Variants in MTUS2 observed in about 807,000 individuals in gnomAD.
The protein encoded by MTUS2 is microtubule associated scaffold protein 2, also known as microtubule-associated tumor suppressor candidate 2.
A neutral mutation model predicts 114.1 loss-of-function variants in MTUS2; 40 were observed. The ratio of observed to expected loss-of-function variants is 0.35; its 90% CI spans 0.27 to 0.46. MTUS2 has a LOEUF of 0.46. MTUS2 is among the 20% of genes least tolerant of loss of function. The pLI is 1.00. For missense variants in MTUS2, 1,679 were observed against 1,705.4 expected (o/e 0.98, Z 0.27); for synonymous variants, 688 against 672.0 (o/e 1.02, Z -0.37).
chr13:29,201,299 A>G (rs182307477), intron 5 of MTUS2, among the ~76,000 whole-genome samples: 259 of 150,814 alleles, frequency 1.7e-3, no homozygotes, highest in Admixed American at 3.3e-3. Context: ...TTGTTGGTTT[A>G]AAGTCTGTTT....
intron 4 of MTUS2, among the ~76,000 whole-genome samples, chr13:29,035,649 G>C (rs978069013): frequency 4.6e-5 from 7 of 152,068 alleles, no homozygotes; most frequent in Non-Finnish European, 1.0e-4. Flanking sequence ...ATATTCCCTT[G>C]CTCCTCAATC....
chr13:29,344,222 A>T (rs1387023430), intron 7 of MTUS2, among the ~76,000 whole-genome samples: 1 of 105,738 alleles, frequency 9.5e-6, no homozygotes, highest in Non-Finnish European at 2.1e-5. Flanking sequence ...TGTCTTGATG[A>T]CCTGTCTAGT....
chr13:29,031,964 A>G (rs1886850241), intron 3 of MTUS2, among the ~76,000 whole-genome samples: 1 of 152,070 alleles, frequency 6.6e-6, no homozygotes, highest in African/African-American at 2.4e-5. Context: ...TTTGTTTGAA[A>G]TCATAGGGTT....
chr13:28,974,626 A>G (rs1255927092), intron 2 of MTUS2, among the ~76,000 whole-genome samples: 1 of 152,228 alleles, frequency 6.6e-6, no homozygotes, highest in Non-Finnish European at 1.5e-5. Flanking sequence ...TTCATAATAA[A>G]TGTTTGTCCA....
At chr13:29,321,043 T>C (rs1373036116) in intron 6 of MTUS2, among the ~76,000 whole-genome samples, 1 of 152,174 alleles carries the variant, frequency 6.6e-6, no homozygotes, top group Admixed American at 6.5e-5. Flanking sequence ...GTGTTTTTTG[T>C]CATCAAATAG....
intron 2 of MTUS2, among the ~76,000 whole-genome samples, chr13:28,893,613 A>G (rs1379505347): frequency 1.3e-5 from 2 of 152,150 alleles, no homozygotes; most frequent in East Asian, 3.9e-4. Flanking sequence ...TAATTCTGAA[A>G]CTTTCTGAAA....
rs1025547267 is a variant in MTUS2, at chr13:29,234,213, A to G, written c.2645-47491A>G. Among the ~76,000 whole-genome samples the G allele has an allele frequency of 5.6e-4, 85 of 152,188 alleles. 4 individuals carry two copies. The highest frequency in any genetic ancestry group is 1.5e-5 in the Non-Finnish European group (1 of 68,042). On this transcript the variant is annotated intron_variant, in intron 5 of 15. Transcript: ENST00000612955. ...TTTTTCACTTCAAAGATATCTATTG[A>G]GCACCTACTATATTCTGTGCAGGCC...
chr13:29,408,273 T>A (rs1335036018), intron 8 of MTUS2, among the ~76,000 whole-genome samples: 1 of 152,216 alleles, frequency 6.6e-6, no homozygotes, highest in Admixed American at 6.5e-5. Flanking sequence ...AATGATATTT[T>A]GTTATAATCT....
rs371984791 is a variant in MTUS2, at chr13:29,501,081, A to C, written c.3799-16A>C. 6.2e-7 allele frequency: 1 copy of C among 1,611,212 alleles called. No homozygotes were observed. The highest frequency in any genetic ancestry group is 1.3e-5 in the African/African-American group (1 of 74,942). ...ATGGCCTTGCTAGAACCTCTTAAAC[A>C]CTGTTTCCTTTGTAGGCAGAAAAGA... On this transcript the variant is annotated splice_polypyrimidine_tract_variant and intron_variant, in intron 14 of 15. Transcript: ENST00000612955.
Position 29,181,430 on chromosome 13 carries a change from C to G in MTUS2, c.2644+80460C>G, listed in dbSNP as rs1275972271. On this transcript the variant is annotated intron_variant, in intron 5 of 15. Transcript: ENST00000612955. Reference sequence around the variant, plus strand: ...AGCCTGCCCATTGTCACACTGGACACCAGCCTGGGTGCAAATAGATTGCAA... The same window carrying G: ...AGCCTGCCCATTGTCACACTGGACAGCAGCCTGGGTGCAAATAGATTGCAA... 2.6e-5 allele frequency among the ~76,000 whole-genome samples: 4 copies of G among 152,166 alleles called. No homozygotes were observed. In the East Asian group the frequency reaches 7.7e-4, roughly 29 times the overall value.
At chr13:29,031,256 G>GTGTGTGTGTA (rs2138510112) in intron 3 of MTUS2, among the ~76,000 whole-genome samples, 1 of 149,194 alleles carries the variant, frequency 6.7e-6, no homozygotes, top group East Asian at 2.0e-4. Context: ...GTGTGTGTGT[G>GTGTGTGTGTA]TGTGTGTGTG....
At chr13:29,074,419 T>G (rs9579281) in intron 4 of MTUS2, among the ~76,000 whole-genome samples, 27,422 of 152,166 alleles carry the variant, frequency 0.18, 2,905 homozygotes, top group Non-Finnish European at 0.24. Context: ...TTAGTGTCAT[T>G]TTTCTGCACA....
intron 5 of MTUS2, among the ~76,000 whole-genome samples, chr13:29,144,586 A>G (rs140611062): frequency 6.6e-6 from 1 of 152,076 alleles, no homozygotes; most frequent in African/African-American, 2.4e-5. Flanking sequence ...TCCTTGTGCT[A>G]TATAACTGAG....
At chr13:29,272,135 T>C (rs1897903424) in intron 5 of MTUS2, among the ~76,000 whole-genome samples, 1 of 152,220 alleles carries the variant, frequency 6.6e-6, no homozygotes, top group Non-Finnish European at 1.5e-5. Context: ...AAAGAAAATA[T>C]ACACTTCGGT....
chr13:29,115,471 A>G (rs748913442), intron 5 of MTUS2, among the ~76,000 whole-genome samples: 5 of 152,216 alleles, frequency 3.3e-5, no homozygotes, highest in Non-Finnish European at 7.3e-5. Flanking sequence ...AGCCAGCCAC[A>G]TATTCTGGAG....
intron 4 of MTUS2, among the ~76,000 whole-genome samples, chr13:29,059,228 A>ATT (rs35369352): frequency 0.11 from 10,483 of 96,866 alleles, 819 homozygotes; most frequent in East Asian, 0.42. Context: ...TATTCTTTGG[A>ATT]TTTTTTTTTT....
rs568622556 is a variant in MTUS2 at position 29,377,469 on chromosome 13, A to G, written c.3117+17996A>G. Among the ~76,000 whole-genome samples, 452 of 152,312 alleles carry G rather than the reference A, an allele frequency of 3.0e-3. 3 individuals carry two copies. The highest frequency in any genetic ancestry group is 0.011 in the African/African-American group (443 of 41,560). On this transcript the variant is annotated intron_variant, in intron 8 of 15. Transcript: ENST00000612955. Reference sequence around the variant, plus strand: ...GAGTTAAACACAAACCAATAAGACAATAATAGGAAAATCTTTAAACACTTG... The same window carrying G: ...GAGTTAAACACAAACCAATAAGACAGTAATAGGAAAATCTTTAAACACTTG...
chr13:28,991,524 A>G (rs1240239880), intron 2 of MTUS2, among the ~76,000 whole-genome samples: 1 of 152,022 alleles, frequency 6.6e-6, no homozygotes, highest in East Asian at 1.9e-4. Context: ...GCCCACCACC[A>G]CGCCTAGCTA....
rs184519909 is a variant in MTUS2 at position 29,116,704 on chromosome 13, C to T, written c.2644+15734C>T. Among the ~76,000 whole-genome samples, 194 of 152,166 alleles carry T rather than the reference C, an allele frequency of 1.3e-3. 2 individuals carry two copies. The highest frequency in any genetic ancestry group is 6.9e-3 in the Admixed American group (105 of 15,278). ...TCCTTGAACACAGGCACTAAGACGC[C>T]GCCACAGTCCATCTGATCACTGAGA... On this transcript the variant is annotated intron_variant, in intron 5 of 15. Transcript: ENST00000612955.
Sources: allele counts gnomAD v4.1 joint callset (sites outside exome capture counted in the v4.1 genomes callset), GRCh38; gene constraint gnomAD v4.1.1; transcripts MANE v1.5; gene names NCBI Gene and HGNC (gene_info 2026-07-23, HGNC 2026-07-21).